Variants in CTNNA3 observed in about 807,000 individuals in gnomAD.
CTNNA3 encodes catenin alpha 3, also known as catenin alpha-3.
CTNNA3 carries 76 observed loss-of-function variants against 95.7 expected under a neutral mutation model. The ratio of observed to expected loss-of-function variants is 0.79; its 90% CI spans 0.66 to 0.96. The LOEUF is 0.96. Ranked by LOEUF, CTNNA3 falls within the 40% of genes least tolerant of loss-of-function variation. CTNNA3 has a pLI of 0.00. For synonymous variants in CTNNA3, 431 were observed against 374.4 expected, an observed-to-expected ratio of 1.15 and a Z score of -1.74; for missense variants, 1,191 against 1,089.8, an observed-to-expected ratio of 1.09 and a Z score of -1.31.
At chr10:67,372,701 A>G (rs1843525437) in intron 5 of CTNNA3, among the ~76,000 whole-genome samples, 1 of 152,182 alleles carries the variant, frequency 6.6e-6, no homozygotes, top group Non-Finnish European at 1.5e-5. Flanking sequence ...GAAATGAAGG[A>G]AAAAATGTTA....
chr10:66,927,054 T>C lies in CTNNA3; in HGVS notation c.1048-151530A>G, dbSNP rs1323404665. 1 of 1,614,066 alleles carries C rather than the reference T, an allele frequency of 6.2e-7. No homozygotes were observed. Among genetic ancestry groups the C allele is most frequent in the Non-Finnish European group, 8.5e-7 (1 of 1,180,046 alleles). On this transcript the variant is annotated intron_variant, in intron 7 of 17. Transcript: ENST00000433211. This position sits in a 1 kb window ranked among gnomAD's most constrained non-coding sequence, Gnocchi z 4.7. ...GTAGGTGTGAAGGCAAAATGGTATA[T>C]TGTGAATCTCAGAAATTACAGGAGA... is the stretch of plus-strand genomic sequence containing the variant.
At chr10:66,152,965 A>G (rs920744410) in intron 13 of CTNNA3, among the ~76,000 whole-genome samples, 1 of 151,928 alleles carries the variant, frequency 6.6e-6, no homozygotes, top group Non-Finnish European at 1.5e-5. Flanking sequence ...AATTAAATAT[A>G]TGTTAAAAGT....
At chr10:66,003,666 G>A (rs1388247157) in intron 15 of CTNNA3, among the ~76,000 whole-genome samples, 1 of 152,088 alleles carries the variant, frequency 6.6e-6, no homozygotes, top group East Asian at 1.9e-4. Flanking sequence ...TTTGATTTTT[G>A]TCTTTAGTAA....
intron 17 of CTNNA3, among the ~76,000 whole-genome samples, chr10:65,937,385 G>C (rs969778476): frequency 6.6e-6 from 1 of 152,070 alleles, no homozygotes; most frequent in Non-Finnish European, 1.5e-5. Flanking sequence ...CTATGATTTT[G>C]CCAATCTTAT....
intron 13 of CTNNA3, among the ~76,000 whole-genome samples, chr10:66,209,388 G>T (rs61868377): frequency 0.16 from 23,637 of 152,106 alleles, 2,257 homozygotes; most frequent in Admixed American, 0.25. Flanking sequence ...GAACAAGATG[G>T]GAGTCAGTTA....
chr10:66,721,079 C>G (rs536489933), intron 9 of CTNNA3, among the ~76,000 whole-genome samples: 1 of 152,066 alleles, frequency 6.6e-6, no homozygotes, highest in Non-Finnish European at 1.5e-5. Flanking sequence ...GTGAATCACA[C>G]GTACAGACAA....
chr10:67,417,743 C>G lies in CTNNA3; in HGVS notation c.579+104099G>C, dbSNP rs117372513. 3.5e-4 allele frequency among the ~76,000 whole-genome samples: 53 copies of G among 151,788 alleles called. No homozygotes were observed. The East Asian group carries it at 9.1e-3, about 26-fold the overall frequency. On this transcript the variant is annotated intron_variant, in intron 5 of 17. Coordinates refer to ENST00000433211, the MANE Select transcript of CTNNA3 (RefSeq NM_013266.4). ...GTTTGGATTGGGTTAAATCCAATTT[C>G]GAACCCATCCACTGTATAAATATGA... is the stretch of plus-strand genomic sequence containing the variant.
intron 11 of CTNNA3, among the ~76,000 whole-genome samples, chr10:66,448,658 C>T (rs1181561310): frequency 1.4e-5 from 2 of 147,862 alleles, no homozygotes; most frequent in Non-Finnish European, 3.0e-5. Flanking sequence ...AGGGGAACAT[C>T]ACACTTCAAG....
At chr10:66,432,553 TG>T (rs571364326) in intron 11 of CTNNA3, among the ~76,000 whole-genome samples, 38 of 151,414 alleles carry the variant, frequency 2.5e-4, no homozygotes, top group African/African-American at 8.2e-4. Context: ...TCCAGCTACT[TG>T]GGAGGCTGAG....
At chr10:66,248,492 T>TA (rs1396673998) in intron 13 of CTNNA3, among the ~76,000 whole-genome samples, 2 of 151,778 alleles carry the variant, frequency 1.3e-5, no homozygotes, top group East Asian at 3.9e-4. Context: ...CTGTTGCCTA[T>TA]AAAAAACATA....
intron 11 of CTNNA3, among the ~76,000 whole-genome samples, chr10:66,480,152 C>A (rs1400762949): frequency 6.6e-6 from 1 of 152,096 alleles, no homozygotes; most frequent in African/African-American, 2.4e-5. Context: ...GCTATTTACT[C>A]CTTGTTTGAG....
At chr10:67,603,244 A>G (rs1256349064) in intron 3 of CTNNA3, among the ~76,000 whole-genome samples, 1 of 152,232 alleles carries the variant, frequency 6.6e-6, no homozygotes, top group African/African-American at 2.4e-5. Flanking sequence ...TTAGAAAAGC[A>G]ATCCAAGTGA....
At chr10:66,580,084 A>C (rs1013031123) in intron 10 of CTNNA3, among the ~76,000 whole-genome samples, 1 of 150,328 alleles carries the variant, frequency 6.7e-6, no homozygotes, top group Non-Finnish European at 1.5e-5. Flanking sequence ...TATTTGTATT[A>C]TTTTTCAATG....
At chr10:67,632,126 C>CACACACA (rs1839161671) in intron 2 of CTNNA3, among the ~76,000 whole-genome samples, 1 of 138,964 alleles carries the variant, frequency 7.2e-6, no homozygotes. Flanking sequence ...AGTGTCTTAG[C>CACACACA]CACACACACA....
intron 7 of CTNNA3, among the ~76,000 whole-genome samples, chr10:67,101,143 C>T (rs1858313198): frequency 6.6e-6 from 1 of 151,632 alleles, no homozygotes; most frequent in Non-Finnish European, 1.5e-5. Context: ...TGTGAATGTG[C>T]AGAACAGATG....
intron 13 of CTNNA3, among the ~76,000 whole-genome samples, chr10:66,198,563 T>C (rs1480221528): frequency 1.3e-5 from 2 of 152,056 alleles, no homozygotes; most frequent in Non-Finnish European, 2.9e-5. Flanking sequence ...ATAATAATGA[T>C]CTCAGAAATA....
chr10:66,857,779 G>T (rs542342453), intron 7 of CTNNA3, among the ~76,000 whole-genome samples: 5 of 151,906 alleles, frequency 3.3e-5, no homozygotes, highest in Non-Finnish European at 7.4e-5. Context: ...TGCTGAAGTT[G>T]TTTATCAGAT....
At chr10:67,563,095 CA>C (rs1177092052) in intron 3 of CTNNA3, among the ~76,000 whole-genome samples, 1 of 152,014 alleles carries the variant, frequency 6.6e-6, no homozygotes, top group Non-Finnish European at 1.5e-5. Flanking sequence ...ATGCCATCCC[CA>C]TCAAGCTACC....
In CTNNA3 at chr10:66,800,245, A is replaced by G. The variant is rs563697899; in HGVS notation, c.1048-24721T>C. ...TATTTTCCTCTTTGTTATATATACTACACTAATAAATGATAACACAATATG... is the reference window on the plus strand; with the variant it reads ...TATTTTCCTCTTTGTTATATATACTGCACTAATAAATGATAACACAATATG... On this transcript the variant is annotated intron_variant, in intron 7 of 17. Coordinates refer to ENST00000433211, the MANE Select transcript of CTNNA3 (RefSeq NM_013266.4). 2.0e-5 allele frequency among the ~76,000 whole-genome samples: 3 copies of G among 151,408 alleles called. No homozygotes were observed. In the South Asian group the frequency reaches 6.2e-4, roughly 31 times the overall value.
Sources: gnomAD v4.1 joint callset for allele counts (sites outside exome capture counted in the v4.1 genomes callset) on GRCh38, gnomAD v4.1.1 for gene constraint, Gnocchi (gnomAD v3.1) non-coding constraint, MANE v1.5 for transcripts, NCBI Gene and HGNC (gene_info 2026-07-23, HGNC 2026-07-21) for gene names.